Variants in COL19A1 observed in about 807,000 individuals in gnomAD.
COL19A1 encodes the protein collagen type XIX alpha 1 chain, also known as collagen alpha-1(XIX) chain.
Under a neutral mutation model 190.2 loss-of-function variants are expected in COL19A1, and 159 were observed. That is an observed-to-expected ratio of 0.84 (90% CI 0.73 to 0.95). The LOEUF is 0.95. COL19A1 is among the 40% of genes least tolerant of loss of function. The pLI, the probability that COL19A1 is intolerant of heterozygous loss-of-function variation, is 0.00. For missense variants in COL19A1, 1,418 were observed against 1,431.9 expected (o/e 0.99, Z 0.16); for synonymous variants, 509 against 458.9 (o/e 1.11, Z -1.39).
intron 4 of COL19A1, among the ~76,000 whole-genome samples, chr6:69,925,469 T>C (rs1186299054): frequency 6.6e-6 from 1 of 152,234 alleles, no homozygotes; most frequent in East Asian, 1.9e-4. Flanking sequence ...ACCAGTACCA[T>C]GCTGTTTTGG....
chr6:70,092,711 C>T (rs763758885), intron 15 of COL19A1, among the ~76,000 whole-genome samples: 5 of 152,126 alleles, frequency 3.3e-5, no homozygotes, highest in African/African-American at 4.8e-5. Flanking sequence ...GTTCTGTGAA[C>T]TTATTTTGTA....
intron 15 of COL19A1, among the ~76,000 whole-genome samples, chr6:70,082,943 A>G (rs1782355030): frequency 6.6e-6 from 1 of 152,164 alleles, no homozygotes; most frequent in East Asian, 1.9e-4. Context: ...ATGAGAATCT[A>G]ATGCCCCCAC....
At chr6:70,037,285 A>G (rs1779403874) in intron 14 of COL19A1, among the ~76,000 whole-genome samples, 1 of 152,018 alleles carries the variant, frequency 6.6e-6, no homozygotes, top group African/African-American at 2.4e-5. Flanking sequence ...CCTCCTGAGT[A>G]GCTGGGACTA....
At position 70,199,649 on chromosome 6, in the gene COL19A1, G is replaced by A. The variant is rs752711358; in HGVS notation, c.3136G>A (p.Ala1046Thr). Residue 1046 changes from alanine to threonine, a missense_variant, in exon 49 of 51, where the codon GCA becomes ACA. By Grantham distance (58) the Ala-to-Thr change is moderately conservative. Coordinates refer to ENST00000620364, the MANE Select transcript of COL19A1 (RefSeq NM_001858.6). ...VFLSQLKLPA[A>T]MLAAQAYGRP... ...CCTATCCCAGCTCAAGCTGCCAGCA[G>A]CAATGTTGGCTGCCCAAGCTTATGG... The A allele has an allele frequency of 1.2e-6, 2 of 1,607,270 alleles. No individual in the cohort carries two copies. Among genetic ancestry groups the A allele is most frequent in the East Asian group, 2.2e-5 (1 of 44,674 alleles).
At chr6:70,118,109 T>G (rs1562190785) in intron 16 of COL19A1, among the ~76,000 whole-genome samples, 1 of 152,196 alleles carries the variant, frequency 6.6e-6, no homozygotes, top group Admixed American at 6.5e-5. Flanking sequence ...GTCTTTAACT[T>G]CTTTCTTGGA....
At chr6:70,116,143 T>C (rs1267032914) in intron 16 of COL19A1, among the ~76,000 whole-genome samples, 1 of 152,200 alleles carries the variant, frequency 6.6e-6, no homozygotes, top group Non-Finnish European at 1.5e-5. Context: ...CCATGAGCTC[T>C]TTTCTACTTA....
At chr6:70,132,728 A>G (rs6938971) in intron 18 of COL19A1, among the ~76,000 whole-genome samples, 42,293 of 151,900 alleles carry the variant, frequency 0.28, 6,703 homozygotes, top group African/African-American at 0.42. Context: ...ATCTCTATTT[A>G]GAAGTGTTTC....
intron 37 of COL19A1, among the ~76,000 whole-genome samples, chr6:70,166,604 CA>C (rs887628097): frequency 1.3e-5 from 2 of 152,166 alleles, no homozygotes; most frequent in African/African-American, 4.8e-5. Context: ...AGATATCACG[CA>C]AAACACCCTT....
At chr6:70,149,114 C>T (rs949968048) in intron 27 of COL19A1, among the ~76,000 whole-genome samples, 2 of 152,002 alleles carry the variant, frequency 1.3e-5, no homozygotes, top group Non-Finnish European at 2.9e-5. Flanking sequence ...TGCTAAGAAA[C>T]CAGCTCTTGA....
chr6:70,110,402 T>C (rs111460593), intron 16 of COL19A1, among the ~76,000 whole-genome samples: 4,910 of 152,256 alleles, frequency 0.032, 111 homozygotes, highest in Non-Finnish European at 0.052. Flanking sequence ...AACAATTTAT[T>C]TGAGTCAATG....
intron 4 of COL19A1, among the ~76,000 whole-genome samples, chr6:69,904,986 G>A (rs993891048): frequency 2.0e-5 from 3 of 152,032 alleles, no homozygotes; most frequent in African/African-American, 7.3e-5. Context: ...CAGCTGCCTC[G>A]GTGCTTTCTC....
At position 70,138,977 on chromosome 6, in the gene COL19A1, T is replaced by G. The variant is rs545869735; in HGVS notation, c.1446+1230T>G. Among the ~76,000 whole-genome samples, 11 of 152,210 alleles carry G rather than the reference T, an allele frequency of 7.2e-5. No homozygotes were observed. The East Asian group carries it at 9.7e-4, about 13-fold the overall frequency. ...CCTCTTACCATCTCTTAGCTGCTTCTCTAGGTCTCCACTGTCTTCCCTCCA... is the reference window on the plus strand; with the variant it reads ...CCTCTTACCATCTCTTAGCTGCTTCGCTAGGTCTCCACTGTCTTCCCTCCA... On this transcript the variant is annotated intron_variant, in intron 19 of 50. Transcript: ENST00000620364.
chr6:70,148,294 A>G (rs980287575), intron 27 of COL19A1, among the ~76,000 whole-genome samples: 3 of 151,822 alleles, frequency 2.0e-5, no homozygotes, highest in Non-Finnish European at 2.9e-5. Flanking sequence ...CCTCATTGGA[A>G]CAAAAGGCTC....
chr6:69,869,037 A>G (rs75856212), intron 1 of COL19A1, among the ~76,000 whole-genome samples: 1 of 14,078 alleles, frequency 7.1e-5, no homozygotes, highest in Admixed American at 9.9e-4. Context: ...AAGATGCTGG[A>G]AAAAAAAAAA....
chr6:69,905,107 C>T (rs1183565285), intron 4 of COL19A1, among the ~76,000 whole-genome samples: 8 of 152,100 alleles, frequency 5.3e-5, no homozygotes, highest in African/African-American at 1.4e-4. Context: ...AGAGCCAACC[C>T]GGGAGCCTTC....
At chr6:69,870,640 A>T (rs1480289468) in intron 1 of COL19A1, among the ~76,000 whole-genome samples, 2 of 152,230 alleles carry the variant, frequency 1.3e-5, no homozygotes, top group Admixed American at 6.5e-5. Flanking sequence ...TGAGTGCCTC[A>T]CTTTGGAGTG....
At chr6:70,030,894 C>G (rs1779025681) in intron 12 of COL19A1, among the ~76,000 whole-genome samples, 1 of 152,202 alleles carries the variant, frequency 6.6e-6, no homozygotes, top group African/African-American at 2.4e-5. Flanking sequence ...CCATCCTGCT[C>G]TCTTTCCTGG....
chr6:69,904,906 A>G (rs1290790085), intron 4 of COL19A1, among the ~76,000 whole-genome samples: 4 of 151,152 alleles, frequency 2.6e-5, no homozygotes, highest in Non-Finnish European at 5.9e-5. Flanking sequence ...TGTATTTCAC[A>G]CAGTGCAGTC....
intron 33 of COL19A1, 82 bp from the exon 34 acceptor site, chr6:70,156,588 G>C: frequency 6.9e-7 from 1 of 1,447,366 alleles, no homozygotes; most frequent in Non-Finnish European, 9.6e-7. Context: ...CATGCCCCAA[G>C]TGTTCTTAGA....
Sources: allele counts gnomAD v4.1 joint callset (sites outside exome capture counted in the v4.1 genomes callset), GRCh38; gene constraint gnomAD v4.1.1; transcripts MANE v1.5; gene names NCBI Gene and HGNC (gene_info 2026-07-23, HGNC 2026-07-21).